ATP8A2: variants seen among roughly 807,000 people sequenced by gnomAD.
ATP8A2 encodes the protein phospholipid-transporting ATPase IB.
Under a neutral mutation model 165.6 loss-of-function variants are expected in ATP8A2, and 100 were observed. The observed-to-expected ratio is 0.60, with a 90% CI of 0.51 to 0.71. The LOEUF (loss-of-function observed/expected upper bound fraction) is 0.71. ATP8A2 is among the 30% of genes least tolerant of loss of function. The probability of loss-of-function intolerance (pLI) is 0.00; values close to 1 mark genes in which losing one functional copy is unlikely to be tolerated. For missense variants in ATP8A2, 1,227 were observed against 1,479.5 expected (o/e 0.83, Z 2.80); for synonymous variants, 543 against 548.8 (o/e 0.99, Z 0.15).
chr13:25,500,080 C>T (rs1024446877), intron 2 of ATP8A2, among the ~76,000 whole-genome samples: 2 of 152,148 alleles, frequency 1.3e-5, no homozygotes, highest in African/African-American at 4.8e-5. Flanking sequence ...AGATTATTTC[C>T]TCATAAATCT....
intron 33 of ATP8A2, among the ~76,000 whole-genome samples, chr13:25,867,573 C>A (rs1283430332): frequency 6.6e-6 from 1 of 152,108 alleles, no homozygotes; most frequent in Non-Finnish European, 1.5e-5. Context: ...CATCCATCCT[C>A]CTTCACCCTT....
intron 35 of ATP8A2, among the ~76,000 whole-genome samples, chr13:25,984,608 A>C (rs1049409388): frequency 6.7e-6 from 1 of 149,246 alleles, no homozygotes; most frequent in Non-Finnish European, 1.5e-5. Context: ...AAAAAAAAAA[A>C]AACAAACAAA....
intron 2 of ATP8A2, among the ~76,000 whole-genome samples, chr13:25,506,937 G>GTA (rs1555285034): frequency 1.5e-5 from 1 of 66,418 alleles, no homozygotes; most frequent in African/African-American, 6.5e-5. Context: ...ATACAGTACA[G>GTA]TACATATATA....
chr13:25,904,492 T>A (rs1438728707), intron 33 of ATP8A2, among the ~76,000 whole-genome samples: 2 of 152,176 alleles, frequency 1.3e-5, no homozygotes, highest in Non-Finnish European at 2.9e-5. Context: ...GTCCTGCCCC[T>A]CACCATGCGC....
chr13:25,689,329 C>T (rs1044939762), intron 24 of ATP8A2, among the ~76,000 whole-genome samples: 1 of 152,120 alleles, frequency 6.6e-6, no homozygotes, highest in African/African-American at 2.4e-5. Flanking sequence ...TCGCTGTAAG[C>T]CAAATAAAGA....
chr13:25,895,919 T>A (rs192821091), intron 33 of ATP8A2, among the ~76,000 whole-genome samples: 8 of 152,056 alleles, frequency 5.3e-5, no homozygotes, highest in Non-Finnish European at 8.8e-5. Context: ...TTGATTCTTC[T>A]CTCTCTTCTT....
At chr13:25,591,963 G>GT (rs1261405473) in intron 24 of ATP8A2, among the ~76,000 whole-genome samples, 1 of 150,242 alleles carries the variant, frequency 6.7e-6, no homozygotes, top group Non-Finnish European at 1.5e-5. Context: ...CAGCCATACT[G>GT]TTTTTTTACA....
intron 24 of ATP8A2, among the ~76,000 whole-genome samples, chr13:25,645,715 A>G (rs1432919775): frequency 6.6e-6 from 1 of 151,872 alleles, no homozygotes; most frequent in Non-Finnish European, 1.5e-5. Flanking sequence ...GTATTTGTGA[A>G]TTTTTGTTTT....
rs370968982 is a variant in ATP8A2, at chr13:25,775,656, G to A, written c.2679+697G>A. 1.3e-4 allele frequency among the ~76,000 whole-genome samples: 20 copies of A among 152,280 alleles called. 1 individual carries two copies. The South Asian group carries it at 3.1e-3, about 24-fold the overall frequency. On this transcript the variant is annotated intron_variant, in intron 27 of 36. Transcript: ENST00000381655. The stretch of plus-strand genomic sequence containing the variant: ...GTCACTTCATGTTTGCTATTAGTGG[G>A]ATTACAGCCCTGCTATAAAGGGGGT...
chr13:25,915,298 A>T (rs1954239193), intron 33 of ATP8A2, among the ~76,000 whole-genome samples: 1 of 152,242 alleles, frequency 6.6e-6, no homozygotes, highest in African/African-American at 2.4e-5. Flanking sequence ...GGGACAGAGA[A>T]GCCAGGCTAA....
At chr13:25,534,227 C>T (rs771839567) in intron 6 of ATP8A2, 3 of 532,498 alleles carry the variant, frequency 5.6e-6, no homozygotes, top group African/African-American at 1.9e-5. Flanking sequence ...TAGTGTTTTA[C>T]AGTAACACCT....
At chr13:25,623,406 A>G (rs2041022204) in intron 24 of ATP8A2, among the ~76,000 whole-genome samples, 1 of 152,052 alleles carries the variant, frequency 6.6e-6, no homozygotes, top group African/African-American at 2.4e-5. Context: ...CACAATAGCA[A>G]CAACAAAAAG....
At chr13:25,932,620 A>G (rs913948772) in intron 33 of ATP8A2, among the ~76,000 whole-genome samples, 2 of 152,162 alleles carry the variant, frequency 1.3e-5, no homozygotes, top group Non-Finnish European at 2.9e-5. Flanking sequence ...TAAGCACACA[A>G]AGGAACTGTT....
intron 2 of ATP8A2, among the ~76,000 whole-genome samples, chr13:25,512,421 C>T (rs1181442248): frequency 1.3e-5 from 2 of 152,102 alleles, no homozygotes; most frequent in African/African-American, 2.4e-5. Flanking sequence ...GGGTGGTGGC[C>T]GGGCAGAGGG....
intron 33 of ATP8A2, among the ~76,000 whole-genome samples, chr13:25,869,802 C>T (rs1952626128): frequency 1.3e-5 from 2 of 152,282 alleles, no homozygotes; most frequent in Non-Finnish European, 1.5e-5. Context: ...TCTGACCCCA[C>T]GGTAGTGTCT....
intron 4 of ATP8A2, among the ~76,000 whole-genome samples, chr13:25,531,385 GATATATATATGA>G (rs1566230091): frequency 1.5e-4 from 11 of 71,890 alleles, no homozygotes; most frequent in African/African-American, 6.8e-4. Flanking sequence ...TTATATATAT[GATATATATATGA>G]TTATATATAT....
intron 25 of ATP8A2, among the ~76,000 whole-genome samples, chr13:25,737,860 A>AT (rs1179913813): frequency 4.0e-5 from 6 of 151,896 alleles, no homozygotes; most frequent in Admixed American, 6.6e-5. Flanking sequence ...ATTTTTTTGT[A>AT]TTTTTAGCAG....
intron 18 of ATP8A2, among the ~76,000 whole-genome samples, chr13:25,572,273 T>G (rs1474312249): frequency 6.6e-6 from 1 of 152,184 alleles, no homozygotes; most frequent in Admixed American, 6.5e-5. Context: ...TAGCTGGGAC[T>G]GACTACAGGC....
intron 2 of ATP8A2, among the ~76,000 whole-genome samples, chr13:25,472,366 C>T (rs527533443): frequency 6.7e-6 from 1 of 149,968 alleles, no homozygotes; most frequent in African/African-American, 2.5e-5. Context: ...TGCACTCTAG[C>T]CTGGGTGACA....
Sources: gnomAD v4.1 joint callset for allele counts (sites outside exome capture counted in the v4.1 genomes callset) on GRCh38, gnomAD v4.1.1 for gene constraint, MANE v1.5 for transcripts, NCBI Gene and HGNC (gene_info 2026-07-23, HGNC 2026-07-21) for gene names.